The following LRPPRC variants were observed in gnomAD, a reference collection of about 807,000 sequenced individuals.
The protein encoded by LRPPRC is leucine rich pentatricopeptide repeat containing, also known as leucine-rich PPR motif-containing protein, mitochondrial.
LRPPRC carries 120 observed loss-of-function variants against 180.3 expected under a neutral mutation model. The ratio of observed to expected loss-of-function variants is 0.67; its 90% CI spans 0.57 to 0.77. The LOEUF is 0.77. Ranked by LOEUF, LRPPRC falls within the 30% of genes least tolerant of loss-of-function variation. The probability of loss-of-function intolerance (pLI) is 0.00; values close to 1 mark genes in which losing one functional copy is unlikely to be tolerated. For missense variants in LRPPRC, 2,012 were observed against 1,657.2 expected, an observed-to-expected ratio of 1.21 and a Z score of -3.72; for synonymous variants, 723 against 600.0, an observed-to-expected ratio of 1.21 and a Z score of -3.00.
At chr2:43,986,892 TGTAAA>T (rs951295720) in intron 1 of LRPPRC, among the ~76,000 whole-genome samples, 2 of 152,210 alleles carry the variant, frequency 1.3e-5, no homozygotes, top group Non-Finnish European at 2.9e-5. Context: ...ATGACACACT[TGTAAA>T]GTACAAAACT....
chr2:43,920,405 G>T (rs976313168), intron 27 of LRPPRC, among the ~76,000 whole-genome samples: 1 of 152,122 alleles, frequency 6.6e-6, no homozygotes, highest in Non-Finnish European at 1.5e-5. Flanking sequence ...CAAAGTGCTG[G>T]GATTATAGGT....
intron 36 of LRPPRC, chr2:43,890,470 T>G (rs868066107): frequency 3.0e-5 from 11 of 361,816 alleles, no homozygotes; most frequent in African/African-American, 4.3e-5. Flanking sequence ...TCCCAGCACT[T>G]TGGGAGGCCG....
At chr2:43,979,742 A>G in intron 3 of LRPPRC, 84 bp downstream of exon 3, 2 of 1,207,196 alleles carry the variant, frequency 1.7e-6, no homozygotes, top group East Asian at 2.4e-5. Flanking sequence ...ACTGAATTAC[A>G]GCATTTATGT....
chr2:43,904,276 A>C (rs1398393942), intron 31 of LRPPRC: 1 of 152,156 alleles, frequency 6.6e-6, no homozygotes, highest in Non-Finnish European at 1.5e-5. Context: ...TTTTCTATTC[A>C]CTTACATATT....
intron 25 of LRPPRC, among the ~76,000 whole-genome samples, chr2:43,928,019 A>G (rs1167307445): frequency 1.1e-5 from 1 of 94,600 alleles, no homozygotes; most frequent in East Asian, 2.0e-3. Context: ...GTTAAATATA[A>G]CATGAAAAAA....
chr2:43,903,937 G>T (rs2104997633), intron 31 of LRPPRC: 1 of 152,146 alleles, frequency 6.6e-6, no homozygotes, highest in East Asian at 1.9e-4. Context: ...ATACTAATAG[G>T]ACATAAAGTC....
At position 43,925,890 on chromosome 2, in the gene LRPPRC, A is replaced by T; in HGVS notation, c.2805+3T>A. 2 of 1,605,712 alleles carry T rather than the reference A, an allele frequency of 1.2e-6. No homozygotes were observed. The highest frequency in any genetic ancestry group is 1.7e-6 in the Non-Finnish European group (2 of 1,172,326). ...GATTGAGACATCTGAATCAAATACA[A>T]ACCTGATTATTTGCAACACATCTGT... is the stretch of plus-strand genomic sequence containing the variant. On this transcript the variant is annotated splice_donor_region_variant and intron_variant, in intron 26 of 37. Transcript: ENST00000260665.
chr2:43,976,024 G>A (rs1413110440), intron 6 of LRPPRC, 119 bp downstream of exon 6: 4 of 662,776 alleles, frequency 6.0e-6, no homozygotes, highest in Non-Finnish European at 1.1e-5. Context: ...TTTAAGAACT[G>A]TCTACAATAA....
intron 29 of LRPPRC, among the ~76,000 whole-genome samples, chr2:43,913,314 C>T (rs958965534): frequency 6.6e-6 from 1 of 152,148 alleles, no homozygotes; most frequent in Non-Finnish European, 1.5e-5. Flanking sequence ...CCAACTGAAA[C>T]TACAATCTAC....
chr2:43,985,818 T>G (rs1328814634), intron 1 of LRPPRC, among the ~76,000 whole-genome samples: 1 of 152,352 alleles, frequency 6.6e-6, no homozygotes, highest in East Asian at 1.9e-4. Flanking sequence ...GGTATGGACA[T>G]GCATTTTGAA....
intron 29 of LRPPRC, among the ~76,000 whole-genome samples, chr2:43,913,449 T>C (rs1272111552): frequency 1.3e-5 from 2 of 152,012 alleles, no homozygotes; most frequent in African/African-American, 4.8e-5. Context: ...CAGAACATGA[T>C]ATTATTTAAT....
At chr2:43,977,299 ATT>A in intron 3 of LRPPRC, 23 bp from the exon 4 acceptor site, 1 of 1,585,520 alleles carries the variant, frequency 6.3e-7, no homozygotes, top group East Asian at 2.2e-5. Flanking sequence ...TTTAAAATGA[ATT>A]TTTAGAAAAG....
At chr2:43,974,487 A>T in intron 8 of LRPPRC, 127 bp downstream of exon 8, 1 of 832,118 alleles carries the variant, frequency 1.2e-6, no homozygotes, top group Non-Finnish European at 2.0e-6. Flanking sequence ...GGGCTTATTT[A>T]ACTGACTTTA....
In LRPPRC at chr2:43,886,268, T is replaced by C. The variant is rs548632642; in HGVS notation, c.*2332A>G. On this transcript the variant is annotated 3_prime_UTR_variant, in exon 38 of 38. Coordinates refer to ENST00000260665, the MANE Select transcript of LRPPRC (RefSeq NM_133259.4). ...ATTCAAAGCATTTCAGTTAAAATTA[T>C]TTTGGGTTCAAATACATGAACATAT... 1.2e-4 allele frequency among the ~76,000 whole-genome samples: 19 copies of C among 152,248 alleles called. No individual in the cohort carries two copies. Among genetic ancestry groups the C allele is most frequent in the African/African-American group, 4.6e-4 (19 of 41,550 alleles).
chr2:43,890,278 T>C (rs987019361), intron 36 of LRPPRC: 6 of 454,500 alleles, frequency 1.3e-5, no homozygotes, highest in African/African-American at 4.1e-5. Context: ...CCAGGAACTG[T>C]TGTGGAGAGG....
chr2:43,981,103 T>C (rs1479284252), intron 2 of LRPPRC, among the ~76,000 whole-genome samples: 1 of 152,182 alleles, frequency 6.6e-6, no homozygotes, highest in African/African-American at 2.4e-5. Flanking sequence ...TATGCATATG[T>C]TTGCATGAGG....
intron 11 of LRPPRC, among the ~76,000 whole-genome samples, chr2:43,967,268 G>T (rs1162065869): frequency 2.0e-5 from 3 of 151,844 alleles, no homozygotes; most frequent in African/African-American, 4.9e-5. Flanking sequence ...GCCAGCCATG[G>T]TAATATGAGC....
chr2:43,906,650 G>A (rs1671076543), intron 30 of LRPPRC, among the ~76,000 whole-genome samples: 1 of 152,034 alleles, frequency 6.6e-6, no homozygotes, highest in African/African-American at 2.4e-5. Context: ...TTGCCTTATC[G>A]AGCTCAGTGA....
intron 25 of LRPPRC, among the ~76,000 whole-genome samples, chr2:43,926,498 G>C (rs535566279): frequency 6.6e-6 from 1 of 152,104 alleles, no homozygotes; most frequent in Non-Finnish European, 1.5e-5. Context: ...CTCCCAAGTA[G>C]TTAGGATTAC....
Sources: gnomAD v4.1 joint callset for allele counts (sites outside exome capture counted in the v4.1 genomes callset) on GRCh38, gnomAD v4.1.1 for gene constraint, MANE v1.5 for transcripts, NCBI Gene and HGNC (gene_info 2026-07-23, HGNC 2026-07-21) for gene names.